The following GFPT1 variants were observed in gnomAD, a reference collection of about 807,000 sequenced individuals.
GFPT1 encodes glutamine--fructose-6-phosphate transaminase 1.
GFPT1 carries 40 observed loss-of-function variants against 92.0 expected under a neutral mutation model. The ratio of observed to expected loss-of-function variants is 0.43; its 90% CI spans 0.34 to 0.57. GFPT1 has a LOEUF of 0.57. GFPT1 is among the 20% of genes least tolerant of loss of function. The probability of loss-of-function intolerance (pLI) is 0.02; values close to 1 mark genes in which losing one functional copy is unlikely to be tolerated. For synonymous variants in GFPT1, 269 were observed against 280.6 expected (o/e 0.96, Z 0.41); for missense variants, 448 against 869.1 (o/e 0.52, Z 6.09).
intron 1 of GFPT1, among the ~76,000 whole-genome samples, chr2:69,379,719 C>T (rs1052106301): frequency 6.6e-6 from 1 of 151,264 alleles, no homozygotes; most frequent in African/African-American, 2.4e-5. Context: ...TATTTATTTA[C>T]TTATTTATTT....
rs566161532 is a variant in GFPT1 at position 69,341,021 on chromosome 2, G to A, written c.1203+1131C>T. ...GTCGCCCAGGTTGGAGTTCAGCGGT[G>A]CAATCTAGGCTCACTGCAGCCTCAC... On this transcript the variant is annotated intron_variant, in intron 13 of 19. Coordinates refer to ENST00000357308, the MANE Select transcript of GFPT1 (RefSeq NM_001244710.2). Among the ~76,000 whole-genome samples the A allele has an allele frequency of 4.0e-5, 6 of 151,392 alleles. No individual in the cohort carries two copies. The South Asian group carries it at 1.3e-3, about 32-fold the overall frequency.
intron 11 of GFPT1, among the ~76,000 whole-genome samples, chr2:69,347,622 C>T (rs11883756): frequency 0.48 from 73,225 of 151,516 alleles, 18,352 homozygotes; most frequent in African/African-American, 0.63. Flanking sequence ...GGATTACAGG[C>T]ATGCGCCACC....
intron 15 of GFPT1, among the ~76,000 whole-genome samples, chr2:69,335,260 G>A: frequency 6.6e-6 from 1 of 152,070 alleles, no homozygotes; most frequent in East Asian, 1.9e-4. Context: ...TCCCAATTCA[G>A]CCTCCCAAAG....
At chr2:69,342,877 A>C (rs1348654625) in intron 12 of GFPT1, among the ~76,000 whole-genome samples, 3 of 152,172 alleles carry the variant, frequency 2.0e-5, no homozygotes, top group African/African-American at 7.2e-5. Flanking sequence ...CTCTCCTCTC[A>C]GTCTTTGCCG....
chr2:69,356,322 A>C (rs535255635), intron 7 of GFPT1, among the ~76,000 whole-genome samples, 174 bp downstream of exon 7: 5 of 152,278 alleles, frequency 3.3e-5, no homozygotes, highest in African/African-American at 4.8e-5. Context: ...GGATTCTGTT[A>C]AATGGAAGAG....
Position 69,357,669 on chromosome 2 carries a change from G to A in GFPT1, c.543+660C>T, listed in dbSNP as rs1671372955. ...TTTGGGAAGTAAAGGACTTTTAAGTGGGAAAGCTAGAGTTATGAGTGGGGA... is the reference window on the plus strand; with the variant it reads ...TTTGGGAAGTAAAGGACTTTTAAGTAGGAAAGCTAGAGTTATGAGTGGGGA... On this transcript the variant is annotated intron_variant, in intron 6 of 19. Coordinates refer to ENST00000357308, the MANE Select transcript of GFPT1 (RefSeq NM_001244710.2). Among the ~76,000 whole-genome samples, 3 of 152,126 alleles carry A rather than the reference G, an allele frequency of 2.0e-5. No individual in the cohort carries two copies. The South Asian group carries it at 6.2e-4, about 32-fold the overall frequency.
intron 3 of GFPT1, among the ~76,000 whole-genome samples, chr2:69,365,937 T>C (rs1671600207): frequency 6.6e-6 from 1 of 152,062 alleles, no homozygotes; most frequent in South Asian, 2.1e-4. Context: ...CTCAGCCTCC[T>C]GAGTAGCTGG....
At chr2:69,326,769 A>G (rs1670542209) in intron 19 of GFPT1, 145 bp downstream of exon 19, 4 of 796,304 alleles carry the variant, frequency 5.0e-6, no homozygotes, top group Non-Finnish European at 8.3e-6. Context: ...TGTAACCTAC[A>G]AATTGGGCCA....
intron 7 of GFPT1, among the ~76,000 whole-genome samples, chr2:69,355,716 C>A (rs1261741995): frequency 6.6e-6 from 1 of 152,128 alleles, no homozygotes; most frequent in Non-Finnish European, 1.5e-5. Flanking sequence ...TCCTTAGTCA[C>A]CCTGTTTTCA....
intron 9 of GFPT1, among the ~76,000 whole-genome samples, chr2:69,351,768 A>G (rs1007496671): frequency 5.3e-5 from 8 of 152,224 alleles, no homozygotes; most frequent in African/African-American, 1.9e-4. Flanking sequence ...ACATCCAAGA[A>G]AAAGTAACAT....
chr2:69,387,055 GC>G lies in GFPT1; in HGVS notation c.7+9del, dbSNP rs1440516839. The G allele has an allele frequency of 6.5e-7, 1 of 1,532,192 alleles. No homozygotes were observed. Among genetic ancestry groups the G allele is most frequent in the South Asian group, 1.2e-5 (1 of 84,182 alleles). 94.9% of individuals were successfully genotyped at this position (1,532,192 alleles called of 1,614,324 possible). ...CCCGGCAACACGCCCCCCGCTCCCG[GC>G]CCCCTTACCACACATGATGCCGGAG... On this transcript the variant is annotated intron_variant, in intron 1 of 19. Transcript: ENST00000357308.
chr2:69,337,952 T>C lies in GFPT1; in HGVS notation c.1428A>G (p.Thr476=). The change falls in exon 15 of 20, where the codon ACA becomes ACG. Residue 476 remains threonine (T), a synonymous_variant. Coordinates refer to ENST00000357308, the MANE Select transcript of GFPT1 (RefSeq NM_001244710.2). Reference sequence around the variant, plus strand: ...CAGCATTAATATGAACTCCACAATCTGTCTCCCGTGATATGGAACTGCCAA... The same window carrying C: ...CAGCATTAATATGAACTCCACAATCCGTCTCCCGTGATATGGAACTGCCAA... ...NTVGSSISRE[T]DCGVHINAGP... is the part of the protein sequence containing the mutation. 2 of 1,613,894 alleles carry C rather than the reference T, an allele frequency of 1.2e-6. No individual in the cohort carries two copies. The highest frequency in any genetic ancestry group is 1.7e-6 in the Non-Finnish European group (2 of 1,179,758).
At chr2:69,361,364 G>A (rs1163398126) in intron 4 of GFPT1, among the ~76,000 whole-genome samples, 1 of 149,398 alleles carries the variant, frequency 6.7e-6, no homozygotes, top group Non-Finnish European at 1.5e-5. Flanking sequence ...CAGAAGAATC[G>A]CTGAATCCAG....
At chr2:69,353,409 C>T (rs542557874) in intron 9 of GFPT1, among the ~76,000 whole-genome samples, 1 of 152,128 alleles carries the variant, frequency 6.6e-6, no homozygotes, top group South Asian at 2.1e-4. Context: ...TGGCACATGC[C>T]TGTGGTCCCA....
chr2:69,365,346 C>T (rs1245318755), intron 3 of GFPT1, among the ~76,000 whole-genome samples: 1 of 152,084 alleles, frequency 6.6e-6, no homozygotes, highest in Non-Finnish European at 1.5e-5. Flanking sequence ...GTAGCACACG[C>T]CTGTAATCCC....
rs1670585138 is a variant in GFPT1 at position 69,328,537 on chromosome 2, A to G, written c.1726-99T>C. 6.1e-6 allele frequency: 5 copies of G among 816,534 alleles called. No individual in the cohort carries two copies. The South Asian group carries it at 7.2e-5, about 12-fold the overall frequency. The allele number at this position is 816,534 out of a possible 1,614,324, so 50.6% of individuals were successfully genotyped here. Reference sequence around the variant, plus strand: ...CATCTGATATGTCAAGCCACTGTCTATCTATCCAAAAGTATTAAAGGACCA... The same window carrying G: ...CATCTGATATGTCAAGCCACTGTCTGTCTATCCAAAAGTATTAAAGGACCA... On this transcript the variant is annotated intron_variant, in intron 17 of 19. Transcript: ENST00000357308.
intron 12 of GFPT1, 74 bp from the exon 13 acceptor site, chr2:69,342,323 T>C (rs544330123): frequency 7.0e-6 from 6 of 863,190 alleles, no homozygotes; most frequent in South Asian, 2.7e-5. Context: ...TTTGTGAGTA[T>C]CCACTGCCAA....
Position 69,325,897 on chromosome 2 carries a change from G to T in GFPT1, c.*292C>A. On this transcript the variant is annotated 3_prime_UTR_variant, in exon 20 of 20. Coordinates refer to ENST00000357308, the MANE Select transcript of GFPT1 (RefSeq NM_001244710.2). ...ATTGTCTTCTCAGATTGAAGTGGAG[G>T]GTCCAGAAATGCAACACCCAGCATT... is the stretch of plus-strand genomic sequence containing the variant. The T allele has an allele frequency of 6.3e-6, 2 of 318,020 alleles. No individual in the cohort carries two copies. Among genetic ancestry groups the T allele is most frequent in the Non-Finnish European group, 5.8e-6 (1 of 173,002 alleles). 19.7% of individuals were successfully genotyped at this position (318,020 alleles called of 1,614,324 possible). A position where few individuals can be genotyped will look rare whatever the true frequency, so the allele number is the denominator to read the frequency against.
At chr2:69,346,246 T>A (rs1671078794) in intron 11 of GFPT1, among the ~76,000 whole-genome samples, 1 of 148,282 alleles carries the variant, frequency 6.7e-6, no homozygotes, top group African/African-American at 2.4e-5. Context: ...GAGACAAGCT[T>A]TTTTTTTTTT....
Sources: allele counts gnomAD v4.1 joint callset (sites outside exome capture counted in the v4.1 genomes callset), GRCh38; gene constraint gnomAD v4.1.1; transcripts MANE v1.5; gene names NCBI Gene and HGNC (gene_info 2026-07-23, HGNC 2026-07-21).